PHLDB3: variants seen among roughly 807,000 people sequenced by gnomAD.
The protein encoded by PHLDB3 is pleckstrin homology-like domain family B member 3.
Under a neutral mutation model 85.7 loss-of-function variants are expected in PHLDB3, and 86 were observed. That is an observed-to-expected ratio of 1.00 (90% CI 0.84 to 1.20). The LOEUF (loss-of-function observed/expected upper bound fraction) is 1.20, where lower values mean the gene tolerates loss of function less well. Among genes scored for constraint, PHLDB3 ranks in the 50% most tolerant of loss-of-function variants. The pLI, the probability that PHLDB3 is intolerant of heterozygous loss-of-function variation, is 0.00. For missense variants in PHLDB3, 995 were observed against 873.0 expected (o/e 1.14, Z -1.76); for synonymous variants, 376 against 349.8 (o/e 1.07, Z -0.83).
At chr19:43,485,219 GT>G (rs901425028) in intron 13 of PHLDB3, among the ~76,000 whole-genome samples, 19 of 144,766 alleles carry the variant, frequency 1.3e-4, no homozygotes, top group Non-Finnish European at 1.1e-4. Flanking sequence ...AAGGTTTTTT[GT>G]TTTTTTTTTT....
chr19:43,487,015 G>T lies in PHLDB3; in HGVS notation c.1249+9C>A. ...GTGGGAAGGAAGTGGGGAACAGGGG[G>T]ATCCTCACCAGTACAATGGAAGGAC... On this transcript the variant is annotated intron_variant, in intron 10 of 15. Transcript: ENST00000292140. 3 of 1,540,264 alleles carry T rather than the reference G, an allele frequency of 1.9e-6. No homozygotes were observed. Among genetic ancestry groups the T allele is most frequent in the Non-Finnish European group, 2.6e-6 (3 of 1,146,184 alleles).
At position 43,482,033 on chromosome 19, in the gene PHLDB3, C is replaced by T. The variant is rs1029219453; in HGVS notation, c.1486-2440G>A. ...GATCACCACTGTGTGTGGAAGCTCC[C>T]GCTCTGTGTCAGGCACTATGCCAAG... On this transcript the variant is annotated intron_variant, in intron 13 of 15. Coordinates refer to ENST00000292140, the MANE Select transcript of PHLDB3 (RefSeq NM_198850.4). Among the ~76,000 whole-genome samples, 3 of 152,272 alleles carry T rather than the reference C, an allele frequency of 2.0e-5. No homozygotes were observed. The South Asian group carries it at 6.2e-4, about 32-fold the overall frequency.
chr19:43,475,651 CTTA>C, intron 15 of PHLDB3, 107 bp from the exon 16 acceptor site: 2 of 1,372,452 alleles, frequency 1.5e-6, no homozygotes, highest in South Asian at 1.4e-5. Flanking sequence ...GGACAAGGTA[CTTA>C]AGTATCTGAA....
intron 9 of PHLDB3, among the ~76,000 whole-genome samples, chr19:43,490,569 T>TA (rs888718427): frequency 1.3e-5 from 2 of 151,846 alleles, no homozygotes; most frequent in East Asian, 1.9e-4. Flanking sequence ...AATTGAAAAC[T>TA]AAAAAAAATA....
chr19:43,491,081 G>A (rs1971301680), intron 9 of PHLDB3, among the ~76,000 whole-genome samples: 1 of 152,140 alleles, frequency 6.6e-6, no homozygotes, highest in South Asian at 2.1e-4. Context: ...TGTGCACAGG[G>A]GCCAACAAGT....
chr19:43,477,875 C>A (rs1970960495), intron 15 of PHLDB3, among the ~76,000 whole-genome samples, 172 bp downstream of exon 15: 1 of 151,900 alleles, frequency 6.6e-6, no homozygotes, highest in African/African-American at 2.4e-5. Context: ...AATTTTTAGT[C>A]CCTGCAGTCA....
At chr19:43,480,814 G>T (rs944441147) in intron 13 of PHLDB3, among the ~76,000 whole-genome samples, 10 of 152,138 alleles carry the variant, frequency 6.6e-5, no homozygotes, top group Non-Finnish European at 1.3e-4. Context: ...ACAGAGCCAG[G>T]ACTCACCAGG....
At chr19:43,478,196 G>A in intron 14 of PHLDB3, 64 bp from the exon 15 acceptor site, 8 of 1,287,288 alleles carry the variant, frequency 6.2e-6, no homozygotes, top group Admixed American at 5.4e-5. Flanking sequence ...GTGTCGAGGT[G>A]AGGGTCATTG....
chr19:43,504,364 G>A (rs1216059040), intron 1 of PHLDB3: 2 of 579,980 alleles, frequency 3.4e-6, no homozygotes, highest in Non-Finnish European at 6.1e-6. Flanking sequence ...CCGGGTCGTA[G>A]CACGCCCCCT....
intron 15 of PHLDB3, among the ~76,000 whole-genome samples, 169 bp from the exon 16 acceptor site, chr19:43,475,713 A>G (rs1204191580): frequency 6.6e-6 from 1 of 152,206 alleles, no homozygotes; most frequent in Non-Finnish European, 1.5e-5. Context: ...TCACTGGGTT[A>G]TAAGGATTAA....
chr19:43,493,915 G>T (rs1223328798), intron 9 of PHLDB3, among the ~76,000 whole-genome samples: 2 of 152,082 alleles, frequency 1.3e-5, no homozygotes, highest in Non-Finnish European at 2.9e-5. Context: ...TGGAATATTT[G>T]GGTTGAGCAT....
intron 15 of PHLDB3, among the ~76,000 whole-genome samples, chr19:43,477,087 G>A (rs974242062): frequency 6.6e-6 from 1 of 152,098 alleles, no homozygotes; most frequent in African/African-American, 2.4e-5. Flanking sequence ...TTATAGGCAT[G>A]AGCCACGACG....
chr19:43,483,380 A>G (rs938912727), intron 13 of PHLDB3, among the ~76,000 whole-genome samples: 1 of 151,908 alleles, frequency 6.6e-6, no homozygotes, highest in Non-Finnish European at 1.5e-5. Flanking sequence ...GGCTCAAGCA[A>G]TCCTCCCACC....
In PHLDB3 at chr19:43,495,603, G is replaced by C; in HGVS notation, c.843C>G (p.His281Gln). The change falls in exon 7 of 16, where the codon CAC becomes CAG. Residue 281 changes from histidine to glutamine, a missense_variant. His to Gln is a conservative substitution (Grantham distance 24). Coordinates refer to ENST00000292140, the MANE Select transcript of PHLDB3 (RefSeq NM_198850.4). ...GCTGCTCTTCCAGGACCCGGATCCGGTGCTGCAGAGCACCCCTCTGTCCCG... is the reference window on the plus strand; with the variant it reads ...GCTGCTCTTCCAGGACCCGGATCCGCTGCTGCAGAGCACCCCTCTGTCCCG... ...MAQHRRGALQ[H>Q]RIRVLEEQLK... 6.2e-7 allele frequency: 1 copy of C among 1,609,600 alleles called. No individual in the cohort carries two copies.
chr19:43,502,448 C>T (rs953652790), intron 2 of PHLDB3, among the ~76,000 whole-genome samples, 165 bp from the exon 3 acceptor site: 2 of 132,292 alleles, frequency 1.5e-5, no homozygotes, highest in East Asian at 4.6e-4. Context: ...TTTTCTTTTT[C>T]TTTCTTATCT....
intron 4 of PHLDB3, 145 bp downstream of exon 4, chr19:43,501,589 G>A: frequency 7.1e-7 from 1 of 1,405,264 alleles, no homozygotes; most frequent in South Asian, 1.5e-5. Flanking sequence ...AACCAGGAGG[G>A]GCATCTGCCC....
intron 13 of PHLDB3, among the ~76,000 whole-genome samples, chr19:43,484,033 C>G (rs919621775): frequency 3.3e-5 from 5 of 151,920 alleles, no homozygotes; most frequent in African/African-American, 1.2e-4. Context: ...GGGTGGATCA[C>G]CTGAGGTCAG....
At chr19:43,478,258 G>A in intron 14 of PHLDB3, 126 bp from the exon 15 acceptor site, 1 of 656,344 alleles carries the variant, frequency 1.5e-6, no homozygotes, top group African/African-American at 1.8e-5. Flanking sequence ...ACAAGAGTCT[G>A]AAGGTCTCTA....
rs76853904 is a variant in PHLDB3, at chr19:43,502,190, C to T, written c.307G>A (p.Gly103Arg). ...GVRGAARRLQGQQLEALTRVA... is the reference protein window; with the variant it reads ...GVRGAARRLQRQQLEALTRVA... ...CGAGTCAATGCCTCCAGCTGCTGTC[C>T]TTGCAGGCGCCGCGCCGCCCCTCGC... Residue 103 changes from glycine to arginine, a missense_variant, in exon 3 of 16, where the codon GGA (glycine) becomes AGA (arginine). By Grantham distance (125) the Gly-to-Arg change is moderately radical. Coordinates refer to ENST00000292140, the MANE Select transcript of PHLDB3 (RefSeq NM_198850.4). 6,763 of 1,574,600 alleles carry T rather than the reference C, an allele frequency of 4.3e-3. 32 individuals carry two copies. Among genetic ancestry groups the T allele is most frequent in the Middle Eastern group, 0.022 (133 of 5,962 alleles).
Sources: gnomAD v4.1 joint callset for allele counts (sites outside exome capture counted in the v4.1 genomes callset) on GRCh38, gnomAD v4.1.1 for gene constraint, MANE v1.5 for transcripts, NCBI Gene and HGNC (gene_info 2026-07-23, HGNC 2026-07-21) for gene names.